ZNF644: variants seen among roughly 807,000 people sequenced by gnomAD.
ZNF644 encodes the protein zinc finger motif enhancer binding protein 2.
In ZNF644, 20 loss-of-function variants were observed where a neutral mutation model predicts 108.0. That is an observed-to-expected ratio of 0.19 (90% CI 0.13 to 0.27). The LOEUF (loss-of-function observed/expected upper bound fraction) is 0.27, where lower values mean the gene tolerates loss of function less well. Among genes scored for constraint, ZNF644 ranks in the 10% least tolerant of loss-of-function variants. The probability of loss-of-function intolerance (pLI) is 1.00; values close to 1 mark genes in which losing one functional copy is unlikely to be tolerated. For synonymous variants in ZNF644, 542 were observed against 539.1 expected (o/e 1.01, Z -0.08); for missense variants, 1,338 against 1,548.9 (o/e 0.86, Z 2.29).
chr1:90,929,428 C>T (rs1275173680), intron 4 of ZNF644, among the ~76,000 whole-genome samples: 1 of 152,182 alleles, frequency 6.6e-6, no homozygotes, highest in Non-Finnish European at 1.5e-5. Context: ...AAGGAGTTTG[C>T]TTTAAGCAGA....
At chr1:91,011,623 C>G (rs1041710041) in intron 1 of ZNF644, among the ~76,000 whole-genome samples, 10 of 152,176 alleles carry the variant, frequency 6.6e-5, no homozygotes, top group Admixed American at 5.2e-4. Context: ...TCATGATCAA[C>G]AATTCTATTT....
At chr1:91,015,799 A>C (rs1463183858) in intron 1 of ZNF644, among the ~76,000 whole-genome samples, 2 of 152,220 alleles carry the variant, frequency 1.3e-5, no homozygotes, top group Non-Finnish European at 2.9e-5. Flanking sequence ...TACAACTGCA[A>C]ATCACTCACA....
chr1:90,928,319 AT>A (rs58051560), intron 4 of ZNF644, among the ~76,000 whole-genome samples: 74,510 of 95,768 alleles, frequency 0.78, 27,879 homozygotes, highest in East Asian at 0.87. Flanking sequence ...CACTGGGCTG[AT>A]TTTTTTTTTT....
In ZNF644 at chr1:91,021,977, C is replaced by T; in HGVS notation, c.-18+13G>A. Reference sequence around the variant, plus strand: ...GTCCCAGCGAATCTGACCAAATAACCCCTGAAACTCACAGTTTGGTGCCGT... The same window carrying T: ...GTCCCAGCGAATCTGACCAAATAACTCCTGAAACTCACAGTTTGGTGCCGT... On this transcript the variant is annotated intron_variant, in intron 1 of 5. Coordinates refer to ENST00000337393, the MANE Select transcript of ZNF644 (RefSeq NM_201269.3). 1 of 398,972 alleles carries T rather than the reference C, an allele frequency of 2.5e-6. No individual in the cohort carries two copies. The allele number at this position is 398,972 out of a possible 1,614,324, so 24.7% of individuals were successfully genotyped here.
At chr1:91,000,475 G>A (rs2101664855) in intron 1 of ZNF644, among the ~76,000 whole-genome samples, 1 of 152,234 alleles carries the variant, frequency 6.6e-6, no homozygotes, top group Middle Eastern at 3.4e-3. Flanking sequence ...AAATAAAGAT[G>A]TTCTTTGAAA....
rs1648696887 is a variant in ZNF644, at chr1:90,915,719, T to C, written c.*1079A>G. 1 of 152,618 alleles carries C rather than the reference T, an allele frequency of 6.6e-6. No homozygotes were observed. Among genetic ancestry groups the C allele is most frequent in the South Asian group, 2.1e-4 (1 of 4,838 alleles). The allele number at this position is 152,618 out of a possible 1,614,324, so 9.5% of individuals were successfully genotyped here. A position where few individuals can be genotyped will look rare whatever the true frequency, so the allele number is the denominator to read the frequency against. On this transcript the variant is annotated 3_prime_UTR_variant, in exon 6 of 6. Coordinates refer to ENST00000337393, the MANE Select transcript of ZNF644 (RefSeq NM_201269.3). ...TGAGCATAGTGTTACACGATTTTCG[T>C]ACATATAATCACATCCAAAACAAGT...
intron 1 of ZNF644, among the ~76,000 whole-genome samples, chr1:91,014,552 G>A (rs1660265997): frequency 6.6e-6 from 1 of 152,112 alleles, no homozygotes; most frequent in African/African-American, 2.4e-5. Context: ...TAGATAGCAT[G>A]ATTAAACCTG....
intron 1 of ZNF644, among the ~76,000 whole-genome samples, chr1:91,003,444 C>A (rs1338948609): frequency 6.6e-6 from 1 of 152,182 alleles, no homozygotes; most frequent in African/African-American, 2.4e-5. Flanking sequence ...AAAAACCAAA[C>A]ACCACCTGTT....
intron 4 of ZNF644, among the ~76,000 whole-genome samples, chr1:90,926,048 C>A (rs947240815): frequency 6.6e-6 from 1 of 151,996 alleles, no homozygotes; most frequent in Non-Finnish European, 1.5e-5. Flanking sequence ...AGAAACCAAC[C>A]CTTTCAAAAG....
intron 1 of ZNF644, among the ~76,000 whole-genome samples, chr1:91,000,523 C>G (rs994589284): frequency 5.9e-5 from 9 of 151,688 alleles, no homozygotes; most frequent in African/African-American, 1.9e-4. Context: ...AGAATCTCTG[C>G]GACACATTTA....
rs562731620 is a variant in ZNF644, at chr1:91,017,969, AAAAG to A, written c.-18+4017_-18+4020del. ...AGACCGAGACTCCGTCCCCCAACCA[AAAAG>A]AAAGAAAAAGAAAGGATAGTAACTC... is the stretch of plus-strand genomic sequence containing the variant. On this transcript the variant is annotated intron_variant, in intron 1 of 5. Coordinates refer to ENST00000337393, the MANE Select transcript of ZNF644 (RefSeq NM_201269.3). 9.9e-5 allele frequency among the ~76,000 whole-genome samples: 15 copies of A among 152,284 alleles called. No homozygotes were observed. The East Asian group carries it at 2.9e-3, about 29-fold the overall frequency.
chr1:90,940,709 A>G lies in ZNF644; in HGVS notation c.645T>C (p.Asp215=). The change falls in exon 3 of 6, where the codon GAT becomes GAC. Residue 215 remains aspartate, a synonymous_variant. Transcript: ENST00000337393. ...QNSVGSNIKS[D]GTLINQVEVG... is the part of the protein sequence containing the mutation. ...CCTCTACTTGATTTATTAAAGTGCC[A>G]TCTGACTTTATATTACTCCCTACTG... is the stretch of plus-strand genomic sequence containing the variant. The G allele has an allele frequency of 6.2e-7, 1 of 1,614,070 alleles. No individual in the cohort carries two copies. The highest frequency in any genetic ancestry group is 8.5e-7 in the Non-Finnish European group (1 of 1,179,986).
chr1:90,935,111 A>C (rs1651178730), intron 4 of ZNF644, among the ~76,000 whole-genome samples: 1 of 152,200 alleles, frequency 6.6e-6, no homozygotes, highest in African/African-American at 2.4e-5. Context: ...AATCAATTTA[A>C]AAATCAAAAA....
chr1:90,928,594 A>G (rs1447588909), intron 4 of ZNF644, among the ~76,000 whole-genome samples: 2 of 152,044 alleles, frequency 1.3e-5, no homozygotes, highest in Non-Finnish European at 2.9e-5. Flanking sequence ...AAGTAATGGG[A>G]TTACAAGTGT....
At chr1:90,933,771 C>A (rs188682580) in intron 4 of ZNF644, among the ~76,000 whole-genome samples, 228 of 152,178 alleles carry the variant, frequency 1.5e-3, no homozygotes, top group African/African-American at 3.7e-3. Flanking sequence ...CAAAAATAGA[C>A]CGCCTGTGTA....
chr1:90,927,622 T>C (rs1250581512), intron 4 of ZNF644, among the ~76,000 whole-genome samples: 3 of 152,162 alleles, frequency 2.0e-5, no homozygotes, highest in East Asian at 1.9e-4. Context: ...TAATCACTTA[T>C]AAATGATACG....
At chr1:90,945,309 C>T (rs1039769478) in intron 2 of ZNF644, among the ~76,000 whole-genome samples, 1 of 151,848 alleles carries the variant, frequency 6.6e-6, no homozygotes, top group Non-Finnish European at 1.5e-5. Context: ...TTTTAAAAGT[C>T]TAAAAAATTC....
intron 4 of ZNF644, among the ~76,000 whole-genome samples, chr1:90,933,595 T>G (rs1299089791): frequency 6.6e-6 from 1 of 151,686 alleles, no homozygotes; most frequent in Non-Finnish European, 1.5e-5. Flanking sequence ...ACCAGGGAGG[T>G]GGAGGTTGCA....
chr1:90,961,168 A>C (rs531080610), intron 2 of ZNF644, among the ~76,000 whole-genome samples: 1 of 152,148 alleles, frequency 6.6e-6, no homozygotes, highest in Non-Finnish European at 1.5e-5. Context: ...ATATATATGG[A>C]ATTTAAAAAC....
Sources: allele counts gnomAD v4.1 joint callset (sites outside exome capture counted in the v4.1 genomes callset), GRCh38; gene constraint gnomAD v4.1.1; transcripts MANE v1.5; gene names NCBI Gene and HGNC (gene_info 2026-07-23, HGNC 2026-07-21).